The following NPEPL1 variants were observed in gnomAD, a reference collection of about 807,000 sequenced individuals.
NPEPL1 encodes aminopeptidase like 1.
NPEPL1 carries 45 observed loss-of-function variants against 52.4 expected under a neutral mutation model. The observed-to-expected ratio is 0.86, with a 90% CI of 0.68 to 1.10. The LOEUF is 1.10. Among genes scored for constraint, NPEPL1 ranks in the 50% least tolerant of loss-of-function variants. The pLI is 0.00. For missense variants in NPEPL1, 696 were observed against 710.9 expected (o/e 0.98, Z 0.24); for synonymous variants, 360 against 314.7 (o/e 1.14, Z -1.52).
chr20:58,692,885 G>A lies in NPEPL1; in HGVS notation c.-16G>A, dbSNP rs1189615121. On this transcript the variant is annotated 5_prime_UTR_variant, in exon 1 of 12. In the 5' UTR this introduces an upstream ATG that the reference lacks. Transcript: ENST00000356091. This position sits in a 1 kb window ranked among gnomAD's most constrained non-coding sequence, Gnocchi z 5.7. ...GGGCCGGGCCGGGCAGGGCCGGGGC[G>A]TGGGCCGGCAGGAAGATGGCGAACG... 1 of 1,035,360 alleles carries A rather than the reference G, an allele frequency of 9.7e-7. No homozygotes were observed. Among genetic ancestry groups the A allele is most frequent in the Non-Finnish European group, 1.2e-6 (1 of 860,038 alleles). 64.1% of individuals were successfully genotyped at this position (1,035,360 alleles called of 1,614,324 possible). A position where few individuals can be genotyped will look rare whatever the true frequency, so the allele number is the denominator to read the frequency against.
At chr20:58,703,936 A>G (rs1397633864) in intron 6 of NPEPL1, 3 of 985,220 alleles carry the variant, frequency 3.0e-6, no homozygotes, top group Admixed American at 6.2e-5. Context: ...CCATAATACC[A>G]GGAAGAGCTG....
intron 10 of NPEPL1, 67 bp downstream of exon 10, chr20:58,714,160 TCAGGGTGCTGGTGCACC>T (rs896043976): frequency 4.7e-6 from 7 of 1,491,608 alleles, no homozygotes; most frequent in African/African-American, 2.9e-5. Context: ...AGCCCTGCCT[TCAGGGTGCTGGTGCACC>T]CAGGGAGCTG....
chr20:58,691,039 C>T (rs1207855706), upstream of NPEPL1: 2 of 700,086 alleles, frequency 2.9e-6, no homozygotes, highest in Non-Finnish European at 5.2e-6. Context: ...CCCAGGACTT[C>T]TCCCACGTGG....
Position 58,707,195 on chromosome 20 carries a change from A to C in NPEPL1, c.895A>C (p.Lys299Gln), listed in dbSNP as rs777759745. 6.4e-7 allele frequency: 1 copy of C among 1,550,466 alleles called. No individual in the cohort carries two copies. Among genetic ancestry groups the C allele is most frequent in the East Asian group, 2.4e-5 (1 of 41,054 alleles). The change falls in exon 7 of 12, where the codon AAG becomes CAG. Residue 299 changes from lysine to glutamine, a missense_variant. Coordinates refer to ENST00000356091, the MANE Select transcript of NPEPL1 (RefSeq NM_024663.4). ...CCTGGGGGCCTTCAGAGCCGCAATC[A>C]AGCAGGTGAGTGGGCCCTGCCCGCC... ...AVLGAFRAAI[K>Q]QGFKDNLHAV... is the part of the protein sequence containing the mutation.
In NPEPL1 at chr20:58,701,030, G is replaced by GGCAAAGCCGCCCT; in HGVS notation, c.698_710dup (p.His237GlnfsTer33). 1.3e-6 allele frequency: 2 copies of GGCAAAGCCGCCCT among 1,590,280 alleles called. No homozygotes were observed. Among genetic ancestry groups the GGCAAAGCCGCCCT allele is most frequent in the South Asian group, 2.3e-5 (2 of 86,812 alleles). On this transcript the variant is annotated frameshift_variant, in exon 6 of 12. Transcript: ENST00000356091. LOFTEE classifies it high-confidence loss of function. ...GCTTTCCATAGGAATCTATGGGGTT[G>GGCAAAGCCGCCCT]GCAAAGCCGCCCTGCATCCCCCAGC...
In NPEPL1 at chr20:58,715,498, C is replaced by A. The variant is rs529594402; in HGVS notation, c.*172C>A. 15 of 648,106 alleles carry A rather than the reference C, an allele frequency of 2.3e-5. No homozygotes were observed. In the Admixed American group the frequency reaches 5.2e-4, roughly 22 times the overall value. The allele number at this position is 648,106 out of a possible 1,614,324, so 40.1% of individuals were successfully genotyped here. A position where few individuals can be genotyped will look rare whatever the true frequency, so the allele number is the denominator to read the frequency against. ...GAGACAGCTTAGGGTTTGGTGCGGG[C>A]CACGGGGAGGGGACCGGGAAGCGCT... On this transcript the variant is annotated 3_prime_UTR_variant, in exon 12 of 12. Transcript: ENST00000356091.
chr20:58,704,642 T>G (rs2084702743), intron 6 of NPEPL1, among the ~76,000 whole-genome samples: 1 of 149,640 alleles, frequency 6.7e-6, no homozygotes, highest in South Asian at 2.1e-4. Flanking sequence ...AGAAGACAGC[T>G]AGGGACCTTG....
chr20:58,693,839 C>G lies in NPEPL1; in HGVS notation c.253C>G (p.Arg85Gly). The change falls in exon 2 of 12, where the codon CGG becomes GGG. Residue 85 changes from arginine to glycine, a missense_variant. Physicochemically the swap from Arg to Gly is moderately radical, Grantham distance 125. Transcript: ENST00000356091. ...GGCTGCCCTGCCCTGCAGGGTGAGC[C>G]GGCACAACAGCCCCTCGGCCGCCCA... ...TVAALPCRVS[R>G]HNSPSAAHFI... 1 of 1,613,662 alleles carries G rather than the reference C, an allele frequency of 6.2e-7. No homozygotes were observed. The highest frequency in any genetic ancestry group is 8.5e-7 in the Non-Finnish European group (1 of 1,179,800).
In NPEPL1 at chr20:58,713,376, C is replaced by A; in HGVS notation, c.1002-44C>A. 6.5e-7 allele frequency: 1 copy of A among 1,543,980 alleles called. No homozygotes were observed. The highest frequency in any genetic ancestry group is 2.4e-5 in the East Asian group (1 of 42,346). On this transcript the variant is annotated intron_variant, in intron 8 of 11. Transcript: ENST00000356091. This position sits in a 1 kb window ranked among gnomAD's most constrained non-coding sequence, Gnocchi z 4.6. ...TTTCAAAGGGGCTCATGCCAGTGTC[C>A]CAGGAAATCCCGTCCCTGAGCGGGG...
At chr20:58,712,149 G>A (rs557488242) in intron 7 of NPEPL1, among the ~76,000 whole-genome samples, 3 of 152,232 alleles carry the variant, frequency 2.0e-5, no homozygotes, top group South Asian at 2.1e-4. Context: ...CGCGGCTGCT[G>A]GCCACCTTCT....
At chr20:58,705,948 C>T (rs1365513422) in intron 6 of NPEPL1, among the ~76,000 whole-genome samples, 2 of 152,178 alleles carry the variant, frequency 1.3e-5, no homozygotes, top group East Asian at 3.8e-4. Context: ...ATTATAAAAG[C>T]AGCTCAATTT....
In NPEPL1 at chr20:58,692,897, G is replaced by A. The variant is rs1413270091; in HGVS notation, c.-4G>A. ...GCAGGGCCGGGGCGTGGGCCGGCAG[G>A]AAGATGGCGAACGTGGGGCTGCAGT... On this transcript the variant is annotated 5_prime_UTR_variant, in exon 1 of 12. Transcript: ENST00000356091. This position sits in a 1 kb window ranked among gnomAD's most constrained non-coding sequence, Gnocchi z 5.7. 1 of 1,058,890 alleles carries A rather than the reference G, an allele frequency of 9.4e-7. No homozygotes were observed. Among genetic ancestry groups the A allele is most frequent in the Non-Finnish European group, 1.1e-6 (1 of 874,844 alleles). The allele number at this position is 1,058,890 out of a possible 1,614,324, so 65.6% of individuals were successfully genotyped here. A position where few individuals can be genotyped will look rare whatever the true frequency, so the allele number is the denominator to read the frequency against.
At chr20:58,697,752 C>T (rs560171581) in intron 3 of NPEPL1, among the ~76,000 whole-genome samples, 1 of 152,346 alleles carries the variant, frequency 6.6e-6, no homozygotes, top group South Asian at 2.1e-4. Flanking sequence ...GGGGTGCCCG[C>T]AGATTCAGCT....
At chr20:58,691,166 C>T (rs759818773), upstream of NPEPL1, 39 of 702,832 alleles carry the variant, frequency 5.5e-5, no homozygotes, top group South Asian at 1.2e-4. Context: ...TCTGGAGTGC[C>T]GTGTGCCTGT....
At chr20:58,699,377 A>T in intron 5 of NPEPL1, 99 bp downstream of exon 5, 1 of 872,182 alleles carries the variant, frequency 1.1e-6, no homozygotes, top group Non-Finnish European at 1.8e-6. Flanking sequence ...CATTGTCCCA[A>T]ACTTCATCCT....
At chr20:58,704,978 C>G (rs1160372337) in intron 6 of NPEPL1, among the ~76,000 whole-genome samples, 1 of 152,132 alleles carries the variant, frequency 6.6e-6, no homozygotes, top group Non-Finnish European at 1.5e-5. Flanking sequence ...TCACAGAGTT[C>G]TGCAGAAATT....
chr20:58,712,660 G>A, intron 8 of NPEPL1, 81 bp downstream of exon 8: 1 of 1,015,782 alleles, frequency 9.8e-7, no homozygotes, highest in Non-Finnish European at 1.6e-6. Context: ...GCTCACTCCA[G>A]GCATATCGGG....
chr20:58,713,644 G>A lies in NPEPL1; in HGVS notation c.1125+101G>A, dbSNP rs1235797906. 1 of 1,418,884 alleles carries A rather than the reference G, an allele frequency of 7.0e-7. No individual in the cohort carries two copies. Among genetic ancestry groups the A allele is most frequent in the Non-Finnish European group, 9.3e-7 (1 of 1,078,188 alleles). The allele number at this position is 1,418,884 out of a possible 1,614,324, so 87.9% of individuals were successfully genotyped here. On this transcript the variant is annotated intron_variant, in intron 9 of 11. Coordinates refer to ENST00000356091, the MANE Select transcript of NPEPL1 (RefSeq NM_024663.4). The surrounding 1 kb of genome is among the most constrained non-coding windows in gnomAD (Gnocchi z 4.6). ...AGGCAGCGCGTGGGGGCTGCCGTCA[G>A]GAAGTTTTCATAACTGGGCACGAGG... is the stretch of plus-strand genomic sequence containing the variant.
At chr20:58,701,827 T>A (rs2084630376) in intron 6 of NPEPL1, among the ~76,000 whole-genome samples, 1 of 152,174 alleles carries the variant, frequency 6.6e-6, no homozygotes, top group Non-Finnish European at 1.5e-5. Context: ...CCCGGGAACA[T>A]CCCGGTGCGG....
Sources: allele counts gnomAD v4.1 joint callset (sites outside exome capture counted in the v4.1 genomes callset), GRCh38; gene constraint gnomAD v4.1.1; non-coding constraint Gnocchi (gnomAD v3.1); transcripts MANE v1.5; gene names NCBI Gene and HGNC (gene_info 2026-07-23, HGNC 2026-07-21).